The following NT5DC3 variants were observed in gnomAD, a reference collection of about 807,000 sequenced individuals.
NT5DC3 encodes 5'-nucleotidase domain-containing protein 3.
Under a neutral mutation model 67.8 loss-of-function variants are expected in NT5DC3, and 42 were observed. The ratio of observed to expected loss-of-function variants is 0.62; its 90% CI spans 0.48 to 0.80. NT5DC3 has a LOEUF of 0.80. NT5DC3 is among the 30% of genes least tolerant of loss of function. The pLI, the probability that NT5DC3 is intolerant of heterozygous loss-of-function variation, is 0.00. For missense variants in NT5DC3, 570 were observed against 696.4 expected, an observed-to-expected ratio of 0.82 and a Z score of 2.04; for synonymous variants, 237 against 255.6, an observed-to-expected ratio of 0.93 and a Z score of 0.69.
Position 103,838,023 on chromosome 12 carries a change from A to G in NT5DC3, c.208+2926T>C, listed in dbSNP as rs187114477. Among the ~76,000 whole-genome samples, 310 of 152,346 alleles carry G rather than the reference A, an allele frequency of 2.0e-3. 1 individual carries two copies. The highest frequency in any genetic ancestry group is 7.2e-3 in the African/African-American group (301 of 41,584). On this transcript the variant is annotated intron_variant, in intron 1 of 13. Coordinates refer to ENST00000392876, the MANE Select transcript of NT5DC3 (RefSeq NM_001031701.3). ...GGTTTACTTGGACTTATAGTTCCAC[A>G]TGGCCACAGAGGCCTCAGAATCATG...
intron 1 of NT5DC3, among the ~76,000 whole-genome samples, chr12:103,834,772 T>C (rs540460311): frequency 6.6e-6 from 1 of 152,304 alleles, no homozygotes; most frequent in African/African-American, 2.4e-5. Context: ...AAGCATCCTT[T>C]CCCTGTGCAG....
chr12:103,791,203 C>T (rs1322353469), intron 9 of NT5DC3, among the ~76,000 whole-genome samples: 1 of 152,114 alleles, frequency 6.6e-6, no homozygotes, highest in Non-Finnish European at 1.5e-5. Flanking sequence ...CTGAGACACC[C>T]TGCCTGCGCC....
At chr12:103,780,924 A>G (rs1885523053) in intron 12 of NT5DC3, among the ~76,000 whole-genome samples, 1 of 152,242 alleles carries the variant, frequency 6.6e-6, no homozygotes. Context: ...GGGGTAGTAG[A>G]ATTATAAATA....
intron 1 of NT5DC3, among the ~76,000 whole-genome samples, chr12:103,825,311 A>G (rs566749163): frequency 2.4e-4 from 37 of 152,306 alleles, no homozygotes; most frequent in African/African-American, 8.9e-4. Context: ...TATTTTGACT[A>G]CTCCACAGAA....
At chr12:103,832,028 C>T (rs557332193) in intron 1 of NT5DC3, among the ~76,000 whole-genome samples, 59 of 152,154 alleles carry the variant, frequency 3.9e-4, no homozygotes, top group African/African-American at 1.2e-3. Flanking sequence ...CTGCCCACCT[C>T]GGCTTCCCAA....
the NT5DC3 span, chr12:103,755,859 C>T: frequency 1.4e-6 from 1 of 711,492 alleles, no homozygotes; most frequent in Non-Finnish European, 2.3e-6. Flanking sequence ...GAATCTAAAG[C>T]CTAGTTTTGC....
chr12:103,816,967 C>CTTTTTTTTTTTTTTTTTTTTT (rs376622215), intron 1 of NT5DC3, among the ~76,000 whole-genome samples: 1 of 118,958 alleles, frequency 8.4e-6, no homozygotes, highest in Admixed American at 9.2e-5. Flanking sequence ...TTTCTTTTTT[C>CTTTTTTTTTTTTTTTTTTTTT]TTTTTTTTTT....
intron 1 of NT5DC3, chr12:103,819,787 T>C (rs1210717140): frequency 2.0e-5 from 3 of 152,244 alleles, no homozygotes; most frequent in African/African-American, 4.8e-5. Flanking sequence ...AAATATACAT[T>C]ACATAAAGTT....
intron 1 of NT5DC3, among the ~76,000 whole-genome samples, chr12:103,840,439 C>T (rs1007005948): frequency 3.7e-4 from 51 of 138,976 alleles, no homozygotes; most frequent in African/African-American, 6.4e-4. Context: ...CCATTCCATC[C>T]CATCCCATCC....
chr12:103,806,569 A>G (rs926849192), intron 3 of NT5DC3, among the ~76,000 whole-genome samples, 192 bp from the exon 4 acceptor site: 1 of 152,196 alleles, frequency 6.6e-6, no homozygotes, highest in African/African-American at 2.4e-5. Flanking sequence ...CCTATCTGCA[A>G]AAGACAGGGG....
chr12:103,760,236 T>C, the NT5DC3 span, among the ~76,000 whole-genome samples: 2 of 152,084 alleles, frequency 1.3e-5, no homozygotes, highest in African/African-American at 2.4e-5. Context: ...AAATAACTAA[T>C]AATGCCACAA....
chr12:103,800,566 A>G (rs925023079), intron 4 of NT5DC3, among the ~76,000 whole-genome samples: 6 of 152,264 alleles, frequency 3.9e-5, no homozygotes, highest in Admixed American at 3.9e-4. Context: ...CACAAGAGCC[A>G]AGCAACCAAA....
chr12:103,759,078 G>C, the NT5DC3 span: 1 of 1,613,438 alleles, frequency 6.2e-7, no homozygotes, highest in South Asian at 1.1e-5. Context: ...TCATTAAAAA[G>C]ACAAAATATT....
the NT5DC3 span, chr12:103,763,309 A>T: frequency 3.2e-6 from 2 of 623,176 alleles, no homozygotes; most frequent in Non-Finnish European, 5.8e-6. Flanking sequence ...CATCGGTAAG[A>T]TGTCACTGAG....
chr12:103,767,525 A>G (rs1036944225), downstream of NT5DC3, among the ~76,000 whole-genome samples: 1 of 152,228 alleles, frequency 6.6e-6, no homozygotes, highest in Admixed American at 6.5e-5. Flanking sequence ...TGTACACTTT[A>G]AAACAGTGAA....
At chr12:103,759,350 T>C in the NT5DC3 span, 4 of 1,556,862 alleles carry the variant, frequency 2.6e-6, no homozygotes, top group South Asian at 2.4e-5. Flanking sequence ...AGGTGCTTAA[T>C]AGATGGCAAC....
chr12:103,760,790 A>G, the NT5DC3 span, among the ~76,000 whole-genome samples: 2 of 152,230 alleles, frequency 1.3e-5, no homozygotes. Flanking sequence ...AGAGCAGTTT[A>G]GACTAGTGTC....
the NT5DC3 span, among the ~76,000 whole-genome samples, chr12:103,749,867 A>AAAAAAAAAAAAAAG: frequency 3.0e-5 from 4 of 132,460 alleles, no homozygotes; most frequent in African/African-American, 1.2e-4. Context: ...AAAAAAAAAA[A>AAAAAAAAAAAAAAG]AAAAAGCTGG....
chr12:103,766,436 A>G, downstream of NT5DC3: 6 of 1,343,570 alleles, frequency 4.5e-6, no homozygotes, highest in South Asian at 5.6e-5. Context: ...AAGTCCTTTA[A>G]GCACTCAGAA....
Sources: allele counts gnomAD v4.1 joint callset (sites outside exome capture counted in the v4.1 genomes callset), GRCh38; gene constraint gnomAD v4.1.1; transcripts MANE v1.5; gene names NCBI Gene and HGNC (gene_info 2026-07-23, HGNC 2026-07-21).